The following MCPH1 variants were observed in gnomAD, a reference collection of about 807,000 sequenced individuals.
MCPH1 encodes the protein microcephalin.
In MCPH1, 104 loss-of-function variants were observed where a neutral mutation model predicts 84.5. The ratio of observed to expected loss-of-function variants is 1.23; its 90% CI spans 1.05 to 1.45. The LOEUF (loss-of-function observed/expected upper bound fraction) is 1.45, where lower values mean the gene tolerates loss of function less well. Among genes scored for constraint, MCPH1 ranks in the 40% most tolerant of loss-of-function variants. MCPH1 has a pLI of 0.00. For synonymous variants in MCPH1, 514 were observed against 366.8 expected (o/e 1.40, Z -4.58); for missense variants, 1,498 against 1,005.7 (o/e 1.49, Z -6.62).
intron 12 of MCPH1, among the ~76,000 whole-genome samples, chr8:6,537,675 C>T (rs146107092): frequency 0.011 from 1,655 of 152,076 alleles, 21 homozygotes; most frequent in Middle Eastern, 0.044. Flanking sequence ...ATTTGTGAGG[C>T]AACTATGGCA....
chr8:6,466,785 A>G (rs183443909), intron 9 of MCPH1, among the ~76,000 whole-genome samples: 1 of 151,968 alleles, frequency 6.6e-6, no homozygotes, highest in African/African-American at 2.4e-5. Context: ...CATGTTGTCC[A>G]GGTTGGTCTC....
At chr8:6,496,983 C>A (rs1305297216) in intron 11 of MCPH1, among the ~76,000 whole-genome samples, 1 of 152,018 alleles carries the variant, frequency 6.6e-6, no homozygotes, top group Non-Finnish European at 1.5e-5. Context: ...GTACCTTGTT[C>A]AGTGTTTTTG....
chr8:6,609,727 T>C (rs1405120670), intron 12 of MCPH1, among the ~76,000 whole-genome samples: 1 of 152,124 alleles, frequency 6.6e-6, no homozygotes, highest in Non-Finnish European at 1.5e-5. Flanking sequence ...AGTGAGCCAC[T>C]TCTCATTTCC....
intron 3 of MCPH1, among the ~76,000 whole-genome samples, chr8:6,418,918 T>C (rs572441004): frequency 2.6e-5 from 4 of 152,178 alleles, no homozygotes; most frequent in Non-Finnish European, 4.4e-5. Context: ...TACTGTAATA[T>C]GTTTTGAATT....
At chr8:6,410,128 C>G (rs1175813898) in intron 2 of MCPH1, among the ~76,000 whole-genome samples, 2 of 151,970 alleles carry the variant, frequency 1.3e-5, no homozygotes, top group African/African-American at 2.4e-5. Context: ...TGCCACCATG[C>G]CTAGCTAATT....
At chr8:6,608,910 C>A (rs1462773162) in intron 12 of MCPH1, among the ~76,000 whole-genome samples, 1 of 152,128 alleles carries the variant, frequency 6.6e-6, no homozygotes, top group Non-Finnish European at 1.5e-5. Flanking sequence ...TGGGGTGGGG[C>A]CCCTAAAACA....
chr8:6,521,517 T>C (rs1205723441), intron 12 of MCPH1: 2 of 830,446 alleles, frequency 2.4e-6, no homozygotes. Flanking sequence ...ATTGTAGTGG[T>C]TATAAAGTAA....
intron 12 of MCPH1, among the ~76,000 whole-genome samples, chr8:6,553,558 C>G (rs1824049978): frequency 6.6e-6 from 1 of 152,146 alleles, no homozygotes; most frequent in Admixed American, 6.6e-5. Flanking sequence ...GTATAGAACG[C>G]CTTTATTCAA....
At position 6,625,479 on chromosome 8, in the gene MCPH1, C is replaced by G. The variant is rs551013291; in HGVS notation, c.2452+3788C>G. The G allele has an allele frequency of 1.1e-4, 106 of 985,078 alleles. 2 individuals are homozygous for G. In the South Asian group the frequency reaches 4.7e-3, roughly 44 times the overall value. The allele number at this position is 985,078 out of a possible 1,614,324, so 61.0% of individuals were successfully genotyped here. ...CTCAAAATATCGCAATATTGAAAAA[C>G]TAGGAATATATCAAACCATTTTAAA... On this transcript the variant is annotated intron_variant, in intron 13 of 13. Transcript: ENST00000344683.
In MCPH1 at chr8:6,445,367, C is replaced by G; in HGVS notation, c.1645C>G (p.Leu549Val). 2 of 1,614,198 alleles carry G rather than the reference C, an allele frequency of 1.2e-6. No homozygotes were observed. The highest frequency in any genetic ancestry group is 8.5e-7 in the Non-Finnish European group (1 of 1,180,030). Residue 549 changes from leucine (L) to valine (V), a missense_variant, in exon 8 of 14, where the codon CTT becomes GTT. By Grantham distance (32) the Leu-to-Val change is conservative. Coordinates refer to ENST00000344683, the MANE Select transcript of MCPH1 (RefSeq NM_024596.5). ...TGATTTAACTCCTTTGGAAGGAAGC[C>G]TTGAAGAAATGAAAGAAGCGGTTGG... ...DDDLTPLEGS[L>V]EEMKEAVGLK...
At chr8:6,502,790 C>G (rs1048125192) in intron 12 of MCPH1, 1 of 356,218 alleles carries the variant, frequency 2.8e-6, no homozygotes, top group Admixed American at 4.3e-5. Context: ...TAAACTTGCA[C>G]ATAACATTCT....
At chr8:6,518,504 G>C (rs1054123760) in intron 12 of MCPH1, among the ~76,000 whole-genome samples, 4 of 152,134 alleles carry the variant, frequency 2.6e-5, no homozygotes, top group African/African-American at 9.7e-5. Context: ...GGTTTCTTTG[G>C]AAAGCATTAT....
intron 12 of MCPH1, among the ~76,000 whole-genome samples, chr8:6,592,641 T>TTTTTTTTTTTTTTTTTTTTTTG (rs1238168977): frequency 5.6e-5 from 6 of 107,428 alleles, no homozygotes; most frequent in Non-Finnish European, 7.5e-5. Context: ...TTTTTTTTTT[T>TTTTTTTTTTTTTTTTTTTTTTG]TTGTTGCTGT....
At chr8:6,610,072 C>A (rs763188778) in intron 12 of MCPH1, among the ~76,000 whole-genome samples, 3 of 152,204 alleles carry the variant, frequency 2.0e-5, no homozygotes, top group Non-Finnish European at 4.4e-5. Context: ...TGCCAAGAGC[C>A]GTAAGGACCC....
intron 12 of MCPH1, chr8:6,500,768 G>T (rs552362193): frequency 6.6e-6 from 1 of 152,216 alleles, no homozygotes; most frequent in African/African-American, 2.4e-5. Flanking sequence ...TACCGTGTAA[G>T]GAATTGAAGT....
chr8:6,631,653 A>T (rs1321637459), intron 13 of MCPH1, among the ~76,000 whole-genome samples: 1 of 146,584 alleles, frequency 6.8e-6, no homozygotes, highest in Admixed American at 7.0e-5. Flanking sequence ...GATTGCTACT[A>T]TAAAAAAAAA....
At chr8:6,423,104 A>G (rs1432898249) in intron 3 of MCPH1, among the ~76,000 whole-genome samples, 1 of 151,208 alleles carries the variant, frequency 6.6e-6, no homozygotes, top group African/African-American at 2.5e-5. Flanking sequence ...TACAGGTAAG[A>G]GCCACCGTGC....
At chr8:6,596,202 C>G (rs1003852330) in intron 12 of MCPH1, among the ~76,000 whole-genome samples, 1 of 152,126 alleles carries the variant, frequency 6.6e-6, no homozygotes, top group Non-Finnish European at 1.5e-5. Flanking sequence ...GGGCTCCAGT[C>G]TCAGCTCTGC....
intron 13 of MCPH1, among the ~76,000 whole-genome samples, chr8:6,637,441 G>C (rs990182834): frequency 3.3e-5 from 5 of 152,144 alleles, no homozygotes; most frequent in Admixed American, 2.0e-4. Context: ...AGGAGAAGCG[G>C]TAAGTTTAGC....
Sources: gnomAD v4.1 joint callset for allele counts (sites outside exome capture counted in the v4.1 genomes callset) on GRCh38, gnomAD v4.1.1 for gene constraint, MANE v1.5 for transcripts, NCBI Gene and HGNC (gene_info 2026-07-23, HGNC 2026-07-21) for gene names.